The following EVL variants were observed in gnomAD, a reference collection of about 807,000 sequenced individuals.
The protein encoded by EVL is ena/VASP-like protein.
A neutral mutation model predicts 59.6 loss-of-function variants in EVL; 21 were observed. The ratio of observed to expected loss-of-function variants is 0.35; its 90% CI spans 0.25 to 0.51. The LOEUF (loss-of-function observed/expected upper bound fraction) is 0.51, where lower values mean the gene tolerates loss of function less well. EVL is among the 20% of genes least tolerant of loss of function. The pLI is 0.97. For synonymous variants in EVL, 198 were observed against 203.5 expected (o/e 0.97, Z 0.23); for missense variants, 462 against 546.6 (o/e 0.85, Z 1.54).
At chr14:100,059,159 G>A (rs767656330) in intron 1 of EVL, among the ~76,000 whole-genome samples, 23 of 152,224 alleles carry the variant, frequency 1.5e-4, no homozygotes, top group Non-Finnish European at 2.6e-4. Flanking sequence ...TGTAAAATAT[G>A]TGAAGCAACT....
chr14:100,133,496 T>G (rs1888572348), intron 8 of EVL, among the ~76,000 whole-genome samples: 1 of 152,208 alleles, frequency 6.6e-6, no homozygotes, highest in Admixed American at 6.5e-5. Context: ...CTCCCATCAG[T>G]CAGGGTCATG....
At chr14:100,117,707 A>T (rs1037235834) in intron 3 of EVL, among the ~76,000 whole-genome samples, 9 of 152,106 alleles carry the variant, frequency 5.9e-5, no homozygotes, top group African/African-American at 2.2e-4. Context: ...TGTAATACAC[A>T]CTCAATAAAC....
At position 100,056,702 on chromosome 14, in the gene EVL, G is replaced by A. The variant is rs190175455; in HGVS notation, c.6-27985G>A. ...TAACCAGGAGTGTGGTTGGAAGGGA[G>A]TACCTCAGGGCAGGGTGGCCTGATA... is the stretch of plus-strand genomic sequence containing the variant. On this transcript the variant is annotated intron_variant, in intron 1 of 13. Transcript: ENST00000402714. 6.1e-3 allele frequency among the ~76,000 whole-genome samples: 927 copies of A among 152,270 alleles called. 4 individuals are homozygous for A. The highest frequency in any genetic ancestry group is 0.021 in the African/African-American group (887 of 41,554).
At chr14:100,086,305 G>A (rs1025499822) in intron 2 of EVL, among the ~76,000 whole-genome samples, 14 of 152,160 alleles carry the variant, frequency 9.2e-5, no homozygotes, top group South Asian at 4.1e-4. Flanking sequence ...TGTGCCACAC[G>A]TTGCAGGATA....
At chr14:100,094,200 A>G (rs977810367) in intron 2 of EVL, among the ~76,000 whole-genome samples, 3 of 152,002 alleles carry the variant, frequency 2.0e-5, no homozygotes, top group Admixed American at 6.6e-5. Context: ...TGGACAAGTC[A>G]CTCATTCTCC....
At chr14:100,121,292 G>A (rs1023970696) in intron 3 of EVL, among the ~76,000 whole-genome samples, 3 of 152,142 alleles carry the variant, frequency 2.0e-5, no homozygotes, top group African/African-American at 4.8e-5. Context: ...CCCTCCCCCC[G>A]ACTGCCACGG....
chr14:100,090,132 TAGAG>T (rs1367078410), intron 2 of EVL, among the ~76,000 whole-genome samples: 1 of 151,972 alleles, frequency 6.6e-6, no homozygotes, highest in Non-Finnish European at 1.5e-5. Flanking sequence ...AGATGTATGA[TAGAG>T]AAACACAAAA....
rs1888354207 is a variant in EVL, at chr14:100,130,304, A to C, written c.839+620A>C. Among the ~76,000 whole-genome samples, 1 of 152,106 alleles carries C rather than the reference A, an allele frequency of 6.6e-6. No homozygotes were observed. The highest frequency in any genetic ancestry group is 2.1e-4 in the South Asian group (1 of 4,822). On this transcript the variant is annotated intron_variant, in intron 7 of 13. Transcript: ENST00000392920. This position sits in a 1 kb window ranked among gnomAD's most constrained non-coding sequence, Gnocchi z 4.8. ...GGCTCTCCGCTGTTCCCCAAATGAA[A>C]CCCGAGCAGATGGGGAGATCGTCCA...
upstream of EVL, among the ~76,000 whole-genome samples, chr14:100,063,472 C>T (rs1319667986): frequency 6.6e-6 from 1 of 152,134 alleles, no homozygotes; most frequent in Non-Finnish European, 1.5e-5. Flanking sequence ...TGTTATAAGC[C>T]ACTCAGTTTG....
chr14:99,993,049 G>A (rs913478224), intron 1 of EVL, among the ~76,000 whole-genome samples: 7 of 148,372 alleles, frequency 4.7e-5, no homozygotes, highest in Non-Finnish European at 7.4e-5. Context: ...TGGTGGTGGC[G>A]TATAATCCTT....
intron 1 of EVL, among the ~76,000 whole-genome samples, chr14:100,040,692 G>A (rs748030593): frequency 1.2e-4 from 19 of 152,154 alleles, no homozygotes; most frequent in Non-Finnish European, 2.5e-4. Flanking sequence ...GTATGTCTCC[G>A]TGTCTCCATT....
chr14:100,060,387 C>T (rs554794766), intron 1 of EVL, among the ~76,000 whole-genome samples: 74 of 147,600 alleles, frequency 5.0e-4, no homozygotes, highest in Non-Finnish European at 8.5e-4. Flanking sequence ...GCCGAGATCG[C>T]GCCACTGCAC....
chr14:100,057,621 G>T (rs2061754883), intron 1 of EVL, among the ~76,000 whole-genome samples: 1 of 152,168 alleles, frequency 6.6e-6, no homozygotes, highest in Admixed American at 6.5e-5. Context: ...ACTGAACTGT[G>T]AGTGAACTGG....
intron 1 of EVL, among the ~76,000 whole-genome samples, chr14:100,034,159 C>A (rs2061353893): frequency 1.3e-5 from 2 of 150,648 alleles, no homozygotes. Context: ...TTGCTTGAAA[C>A]CAAGAGTGGA....
At chr14:99,990,626 T>A (rs1163348754) in intron 1 of EVL, among the ~76,000 whole-genome samples, 38 of 152,198 alleles carry the variant, frequency 2.5e-4, no homozygotes, top group Admixed American at 2.5e-3. Context: ...CTAATTTCAC[T>A]TAGCATAATG....
intron 1 of EVL, among the ~76,000 whole-genome samples, chr14:100,015,687 C>G (rs2061044719): frequency 6.6e-6 from 1 of 152,184 alleles, no homozygotes; most frequent in South Asian, 2.1e-4. Flanking sequence ...AGCAGGGACT[C>G]TAGGGCCCCT....
At chr14:100,116,454 G>A (rs1887353264) in intron 3 of EVL, among the ~76,000 whole-genome samples, 1 of 152,218 alleles carries the variant, frequency 6.6e-6, no homozygotes, top group South Asian at 2.1e-4. Context: ...AGACTAACTG[G>A]AAACTGAGCC....
chr14:100,069,826 CTT>C (rs777827694), intron 1 of EVL, among the ~76,000 whole-genome samples: 2 of 152,140 alleles, frequency 1.3e-5, no homozygotes, highest in Non-Finnish European at 2.9e-5. Context: ...AACAGCTCAG[CTT>C]TTCTCAGTGT....
chr14:99,979,601 G>C (rs1251445587), intron 1 of EVL, among the ~76,000 whole-genome samples: 1 of 151,924 alleles, frequency 6.6e-6, no homozygotes, highest in Non-Finnish European at 1.5e-5. Flanking sequence ...TGGGTGCGGT[G>C]GCTCACGCCT....
Sources: gnomAD v4.1 joint callset for allele counts (sites outside exome capture counted in the v4.1 genomes callset) on GRCh38, gnomAD v4.1.1 for gene constraint, Gnocchi (gnomAD v3.1) non-coding constraint, MANE v1.5 for transcripts, NCBI Gene and HGNC (gene_info 2026-07-23, HGNC 2026-07-21) for gene names.